Variants in TMC6 observed in about 807,000 individuals in gnomAD.
TMC6 encodes transmembrane channel-like protein 6.
TMC6 carries 71 observed loss-of-function variants against 95.4 expected under a neutral mutation model. That is an observed-to-expected ratio of 0.74 (90% confidence interval 0.61 to 0.91). The LOEUF is 0.91. TMC6 is among the 40% of genes least tolerant of loss of function. The pLI is 0.00. For missense variants in TMC6, 1,074 were observed against 1,079.1 expected (o/e 1.00, Z 0.07); for synonymous variants, 514 against 483.1 (o/e 1.06, Z -0.84).
In TMC6 at chr17:78,124,580, G is replaced by A. The variant is rs145033048; in HGVS notation, c.835C>T (p.Pro279Ser). The A allele has an allele frequency of 6.2e-7, 1 of 1,612,230 alleles. No homozygotes were observed. The highest frequency in any genetic ancestry group is 8.5e-7 in the Non-Finnish European group (1 of 1,179,802). The change falls in exon 8 of 20, where the codon CCC (proline) becomes TCC (serine). Residue 279 changes from proline to serine, a missense_variant. By Grantham distance (74) the Pro-to-Ser change is moderately conservative. Transcript: ENST00000590602. ...FIMGPQVAFP[P>S]ALPGPAPVCT... ...ACGGGGGCAGGGCCCGGCAGGGCGGGTGGGAAGGCGACCTGAGGGCCCATG... is the reference window on the plus strand; with the variant it reads ...ACGGGGGCAGGGCCCGGCAGGGCGGATGGGAAGGCGACCTGAGGGCCCATG...
intron 13 of TMC6, 25 bp downstream of exon 13, chr17:78,120,628 C>A: frequency 6.2e-7 from 1 of 1,614,012 alleles, no homozygotes; most frequent in Non-Finnish European, 8.5e-7. Flanking sequence ...ACACTCACCA[C>A]CCAGTCCGCC....
Position 78,113,565 on chromosome 17 carries a change from C to A in TMC6, c.2337G>T (p.Glu779Asp). 6.2e-7 allele frequency: 1 copy of A among 1,614,006 alleles called. No homozygotes were observed. The highest frequency in any genetic ancestry group is 8.5e-7 in the Non-Finnish European group (1 of 1,180,026). Residue 779 changes from glutamate (E) to aspartate (D), a missense_variant, in exon 19 of 20, where the codon GAG becomes GAT. Physicochemically the swap from Glu to Asp is conservative, Grantham distance 45 (BLOSUM62 2). Transcript: ENST00000590602. ...NKLHSIYERKEREERSRVGTT... is the reference protein window; with the variant it reads ...NKLHSIYERKDREERSRVGTT... ...ACCCTCACCTGCTCCTCTCCTCCCT[C>A]TCCTTCCTCTCGTAGATGGAGTGAA...
intron 1 of TMC6, 118 bp from the exon 2 acceptor site, chr17:78,127,024 C>T: frequency 1.5e-6 from 1 of 669,762 alleles, no homozygotes; most frequent in South Asian, 1.7e-5. Context: ...GTCCCGCCCA[C>T]CCCCCTATCA....
chr17:78,120,494 A>G (rs2074358967), intron 13 of TMC6, 159 bp downstream of exon 13: 4 of 1,161,124 alleles, frequency 3.4e-6, no homozygotes, highest in East Asian at 2.3e-5. Context: ...TTCCTTTCCA[A>G]TCTAAAAATG....
intron 15 of TMC6, among the ~76,000 whole-genome samples, chr17:78,118,535 G>A (rs1056868359): frequency 6.7e-6 from 1 of 150,356 alleles, no homozygotes; most frequent in African/African-American, 2.5e-5. Flanking sequence ...CAGCCTGGGC[G>A]ACAAAGCAAG....
upstream of TMC6, chr17:78,132,138 G>A: frequency 6.7e-7 from 1 of 1,501,492 alleles, no homozygotes; most frequent in Non-Finnish European, 9.0e-7. Flanking sequence ...CGGGTCCCCC[G>A]ACCAATCGGC....
At position 78,122,579 on chromosome 17, in the gene TMC6, C is replaced by T; in HGVS notation, c.1227+26G>A. Reference sequence around the variant, plus strand: ...CAGGCCTGCAGGGAGCTGGGCAGGCCAGCTTGGTGCTCCGGGGCCACTCAC... The same window carrying T: ...CAGGCCTGCAGGGAGCTGGGCAGGCTAGCTTGGTGCTCCGGGGCCACTCAC... On this transcript the variant is annotated intron_variant, in intron 10 of 19. Coordinates refer to ENST00000590602, the MANE Select transcript of TMC6 (RefSeq NM_001127198.5). This position sits in a 1 kb window ranked among gnomAD's most constrained non-coding sequence, Gnocchi z 4.9. 6.2e-7 allele frequency: 1 copy of T among 1,605,884 alleles called. No homozygotes were observed.
upstream of TMC6, chr17:78,132,153 C>G (rs555916648): frequency 1.4e-6 from 2 of 1,453,108 alleles, no homozygotes; most frequent in Middle Eastern, 1.8e-4. Context: ...ATCGGCCCCT[C>G]CCCCCTCCCA....
At chr17:78,131,465 A>G, upstream of TMC6, 1 of 1,378,872 alleles carries the variant, frequency 7.3e-7, no homozygotes, top group Non-Finnish European at 9.9e-7. Context: ...AGGGGACGGA[A>G]GGGCCCGCCC....
chr17:78,114,326 G>A (rs962282638), intron 18 of TMC6, among the ~76,000 whole-genome samples: 1 of 152,012 alleles, frequency 6.6e-6, no homozygotes, highest in African/African-American at 2.4e-5. Flanking sequence ...CTGAGATCAC[G>A]CTGGGCCACC....
At chr17:78,117,192 A>G (rs2074163679) in intron 18 of TMC6, 77 bp downstream of exon 18, 3 of 1,484,026 alleles carry the variant, frequency 2.0e-6, no homozygotes, top group East Asian at 2.3e-5. Flanking sequence ...GGAGATGTAC[A>G]GGGGAGTGGA....
In TMC6 at chr17:78,112,890, TCACAGA is replaced by T. The variant is rs2073863717; in HGVS notation, c.*252_*257del. On this transcript the variant is annotated 3_prime_UTR_variant, in exon 20 of 20. Coordinates refer to ENST00000590602, the MANE Select transcript of TMC6 (RefSeq NM_001127198.5). ...AGCGGGAAGCAGGCCCCGGGTGTGG[TCACAGA>T]CACAGAGCCCCAAGGGACAAGCCCA... 1 of 537,438 alleles carries T rather than the reference TCACAGA, an allele frequency of 1.9e-6. No individual in the cohort carries two copies. Among genetic ancestry groups the T allele is most frequent in the Non-Finnish European group, 3.3e-6 (1 of 303,558 alleles). 33.3% of individuals were successfully genotyped at this position (537,438 alleles called of 1,614,324 possible). A position where few individuals can be genotyped will look rare whatever the true frequency, so the allele number is the denominator to read the frequency against.
At chr17:78,123,623 G>C (rs2074534876) in intron 9 of TMC6, among the ~76,000 whole-genome samples, 1 of 149,916 alleles carries the variant, frequency 6.7e-6, no homozygotes, top group East Asian at 2.0e-4. Flanking sequence ...ATGGGTGGAT[G>C]GGTGGATGGG....
upstream of TMC6, chr17:78,131,692 C>T: frequency 1.3e-6 from 2 of 1,578,790 alleles, no homozygotes; most frequent in South Asian, 1.2e-5. Context: ...TCTGGGACGC[C>T]CGTGCGCGGG....
chr17:78,114,644 C>A (rs4789537), intron 18 of TMC6, among the ~76,000 whole-genome samples: 1 of 150,982 alleles, frequency 6.6e-6, no homozygotes, highest in East Asian at 2.0e-4. Context: ...AAGAGCCACA[C>A]GGATTGGCTC....
At position 78,121,439 on chromosome 17, in the gene TMC6, G is replaced by T; in HGVS notation, c.1383+117C>A. 7.2e-6 allele frequency: 11 copies of T among 1,529,232 alleles called. No homozygotes were observed. Among genetic ancestry groups the T allele is most frequent in the Non-Finnish European group, 9.8e-6 (11 of 1,124,788 alleles). The allele number at this position is 1,529,232 out of a possible 1,614,324, so 94.7% of individuals were successfully genotyped here. On this transcript the variant is annotated intron_variant, in intron 11 of 19. Coordinates refer to ENST00000590602, the MANE Select transcript of TMC6 (RefSeq NM_001127198.5). This position sits in a 1 kb window ranked among gnomAD's most constrained non-coding sequence, Gnocchi z 5.6. ...CCCAGCACGGGGCACAGCGTACGTG[G>T]CACCCTGGGCTGGCTGGGTGGAGGA...
chr17:78,114,756 G>A (rs1567981206), intron 18 of TMC6, among the ~76,000 whole-genome samples: 1 of 152,190 alleles, frequency 6.6e-6, no homozygotes, highest in Non-Finnish European at 1.5e-5. Context: ...CTTCTATCGA[G>A]TTGCTGATGA....
chr17:78,131,622 G>A, upstream of TMC6: 1 of 1,551,326 alleles, frequency 6.4e-7, no homozygotes, highest in Non-Finnish European at 8.7e-7. Context: ...ATCGGAGCGG[G>A]CCCCTGGGGT....
chr17:78,126,481 C>T (rs1248460850), intron 3 of TMC6, 43 bp downstream of exon 3: 2 of 1,611,462 alleles, frequency 1.2e-6, no homozygotes, highest in East Asian at 2.2e-5. Context: ...CTGGGGCACC[C>T]AAGTCTTGGT....
Sources: allele counts gnomAD v4.1 joint callset (sites outside exome capture counted in the v4.1 genomes callset), GRCh38; gene constraint gnomAD v4.1.1; non-coding constraint Gnocchi (gnomAD v3.1); transcripts MANE v1.5; gene names NCBI Gene and HGNC (gene_info 2026-07-23, HGNC 2026-07-21).